DLG2: variants seen among roughly 807,000 people sequenced by gnomAD.
The protein encoded by DLG2 is discs large MAGUK scaffold protein 2, also known as disks large homolog 2.
Under a neutral mutation model 132.5 loss-of-function variants are expected in DLG2, and 45 were observed. That is an observed-to-expected ratio of 0.34 (90% CI 0.27 to 0.44). DLG2 has a LOEUF of 0.44. Ranked by LOEUF, DLG2 falls within the 20% of genes least tolerant of loss-of-function variation. DLG2 has a pLI of 1.00. For synonymous variants in DLG2, 424 were observed against 419.6 expected (o/e 1.01, Z -0.13); for missense variants, 1,045 against 1,196.9 (o/e 0.87, Z 1.87).
At chr11:83,461,842 G>A (rs1029642372) in intron 27 of DLG2, 160 bp downstream of exon 27, 5 of 578,348 alleles carry the variant, frequency 8.6e-6, no homozygotes, top group African/African-American at 5.6e-5. Context: ...ACATCAAAAT[G>A]GGTGAAGCAG....
At chr11:84,116,173 T>G (rs2093624730) in intron 9 of DLG2, among the ~76,000 whole-genome samples, 1 of 152,208 alleles carries the variant, frequency 6.6e-6, no homozygotes. Flanking sequence ...TTATTAAGTG[T>G]GTGACCTTGG....
At chr11:85,076,200 T>G (rs2066522325) in intron 6 of DLG2, among the ~76,000 whole-genome samples, 1 of 151,786 alleles carries the variant, frequency 6.6e-6, no homozygotes, top group Non-Finnish European at 1.5e-5. Flanking sequence ...CTTGCAAGAG[T>G]TTTGAAATTC....
At position 84,250,231 on chromosome 11, in the gene DLG2, T is replaced by G. The variant is rs982576570; in HGVS notation, c.573+1007A>C. ...GCACCAGTGGATTCCAAGTGGCAGT[T>G]GCTCTCTTTAAATGGCCATGTGCTT... On this transcript the variant is annotated intron_variant, in intron 8 of 27. Transcript: ENST00000376104. Among the ~76,000 whole-genome samples, 6 of 152,218 alleles carry G rather than the reference T, an allele frequency of 3.9e-5. No homozygotes were observed. In the East Asian group the frequency reaches 7.7e-4, roughly 20 times the overall value.
At chr11:85,353,362 A>T (rs908744940) in intron 3 of DLG2, among the ~76,000 whole-genome samples, 1 of 152,196 alleles carries the variant, frequency 6.6e-6, no homozygotes, top group African/African-American at 2.4e-5. Context: ...GGATGTGGAG[A>T]AATAGGAATG....
chr11:84,540,356 A>C (rs2099365275), intron 6 of DLG2, among the ~76,000 whole-genome samples: 2 of 151,742 alleles, frequency 1.3e-5, no homozygotes, highest in South Asian at 2.1e-4. Flanking sequence ...AAAAAAAAAA[A>C]AAAACCCCAT....
At chr11:84,366,249 G>A (rs1174790252) in intron 7 of DLG2, among the ~76,000 whole-genome samples, 26 of 151,866 alleles carry the variant, frequency 1.7e-4, no homozygotes, top group East Asian at 1.6e-3. Flanking sequence ...AATACTTTAC[G>A]GACAAGCAAA....
At chr11:83,982,134 A>C (rs1455482357) in intron 11 of DLG2, among the ~76,000 whole-genome samples, 1 of 152,218 alleles carries the variant, frequency 6.6e-6, no homozygotes, top group African/African-American at 2.4e-5. Flanking sequence ...GTAAACAATA[A>C]ATAATACTTG....
intron 6 of DLG2, among the ~76,000 whole-genome samples, chr11:84,785,030 T>C (rs559391785): frequency 3.3e-5 from 5 of 152,276 alleles, no homozygotes; most frequent in African/African-American, 9.6e-5. Flanking sequence ...GATGTATGTA[T>C]ACTTTAAAAC....
intron 6 of DLG2, among the ~76,000 whole-genome samples, chr11:84,769,433 A>AAT (rs1387640833): frequency 6.6e-6 from 1 of 152,130 alleles, no homozygotes. Context: ...GTCAGAATAA[A>AAT]ATATACATAT....
chr11:84,700,526 A>T (rs2059111022), intron 6 of DLG2, among the ~76,000 whole-genome samples: 1 of 151,676 alleles, frequency 6.6e-6, no homozygotes, highest in Non-Finnish European at 1.5e-5. Flanking sequence ...ATTTCTACAA[A>T]ATCAGATCTT....
intron 6 of DLG2, among the ~76,000 whole-genome samples, chr11:84,613,884 A>G (rs2099599648): frequency 6.6e-6 from 1 of 152,142 alleles, no homozygotes; most frequent in Admixed American, 6.6e-5. Context: ...GTGACATCAT[A>G]TGGTCACCAA....
chr11:84,578,421 C>T (rs1005803116), intron 6 of DLG2, among the ~76,000 whole-genome samples: 6 of 152,170 alleles, frequency 3.9e-5, no homozygotes, highest in African/African-American at 7.2e-5. Context: ...AGAGGCAGAG[C>T]TGCCCAAGAG....
chr11:83,743,449 T>TTTTTTTTTTTTTTTTTTTTTTTTTTTTTA (rs1555372680), intron 18 of DLG2, among the ~76,000 whole-genome samples: 5 of 124,108 alleles, frequency 4.0e-5, no homozygotes, highest in African/African-American at 1.7e-4. Flanking sequence ...TTTTTTTTTT[T>TTTTTTTTTTTTTTTTTTTTTTTTTTTTTA]ATGACAGGGT....
chr11:83,557,029 T>C (rs2096533186), intron 19 of DLG2, among the ~76,000 whole-genome samples: 1 of 152,186 alleles, frequency 6.6e-6, no homozygotes, highest in Non-Finnish European at 1.5e-5. Flanking sequence ...ATTACAATTG[T>C]CTGGGGACCA....
At chr11:83,644,210 G>C (rs1205428289) in intron 18 of DLG2, among the ~76,000 whole-genome samples, 1 of 152,118 alleles carries the variant, frequency 6.6e-6, no homozygotes, top group South Asian at 2.1e-4. Context: ...CTTAGTATCT[G>C]TGAAGAACAT....
intron 14 of DLG2, among the ~76,000 whole-genome samples, chr11:83,959,604 C>T (rs2087927129): frequency 6.6e-6 from 1 of 151,000 alleles, no homozygotes; most frequent in Admixed American, 6.6e-5. Flanking sequence ...TTCACAATTC[C>T]ATGAAGAAAT....
chr11:84,364,171 C>T (rs2098667894), intron 7 of DLG2, among the ~76,000 whole-genome samples: 1 of 151,632 alleles, frequency 6.6e-6, no homozygotes, highest in South Asian at 2.1e-4. Context: ...TTGTTTGTAT[C>T]CTCTTTTATT....
intron 11 of DLG2, among the ~76,000 whole-genome samples, chr11:84,050,243 G>A (rs930938991): frequency 1.3e-5 from 2 of 151,398 alleles, no homozygotes; most frequent in Non-Finnish European, 3.0e-5. Flanking sequence ...GGTATGGAAG[G>A]GAGGGACCAG....
At chr11:84,560,729 T>A (rs1361683583) in intron 6 of DLG2, among the ~76,000 whole-genome samples, 1 of 152,062 alleles carries the variant, frequency 6.6e-6, no homozygotes, top group Non-Finnish European at 1.5e-5. Context: ...TGTATGAGCA[T>A]AATGGAGAGT....
Sources: allele counts gnomAD v4.1 joint callset (sites outside exome capture counted in the v4.1 genomes callset), GRCh38; gene constraint gnomAD v4.1.1; transcripts MANE v1.5; gene names NCBI Gene and HGNC (gene_info 2026-07-23, HGNC 2026-07-21).